The following C18orf32 variants were observed in gnomAD, a reference collection of about 807,000 sequenced individuals.
C18orf32 encodes the protein chromosome 18 open reading frame 32.
C18orf32 carries 5 observed loss-of-function variants against 7.4 expected under a neutral mutation model. The ratio of observed to expected loss-of-function variants is 0.68; its 90% CI spans 0.35 to 1.42. The LOEUF is 1.42. Ranked by LOEUF, C18orf32 falls within the 40% of genes most tolerant of loss-of-function variation. C18orf32 has a pLI of 0.04. For missense variants in C18orf32, 88 were observed against 92.4 expected (o/e 0.95, Z 0.19); for synonymous variants, 30 against 29.3 (o/e 1.02, Z -0.08).
intron 1 of C18orf32, among the ~76,000 whole-genome samples, chr18:49,485,691 A>G (rs556755681): frequency 1.5e-4 from 23 of 151,464 alleles, no homozygotes; most frequent in African/African-American, 5.3e-4. Context: ...CTGTGTTCAG[A>G]GTTCACTGCA....
chr18:49,482,880 C>T (rs1325722073), intron 2 of C18orf32, among the ~76,000 whole-genome samples: 1 of 146,530 alleles, frequency 6.8e-6, no homozygotes, highest in Non-Finnish European at 1.5e-5. Context: ...CTCACTGAAA[C>T]CTCTGCCACC....
chr18:49,484,717 A>G (rs2083715652), intron 1 of C18orf32: 1 of 152,226 alleles, frequency 6.6e-6, no homozygotes, highest in African/African-American at 2.4e-5. Flanking sequence ...GGTGCTAGAC[A>G]GTTTACATAT....
rs1164667045 is a variant in C18orf32, at chr18:49,479,365, A to G, written c.*2980T>C. 2 of 152,332 alleles carry G rather than the reference A, an allele frequency of 1.3e-5. No individual in the cohort carries two copies. Among genetic ancestry groups the G allele is most frequent in the Admixed American group, 6.5e-5 (1 of 15,280 alleles). The allele number at this position is 152,332 out of a possible 1,614,324, so 9.4% of individuals were successfully genotyped here. A position where few individuals can be genotyped will look rare whatever the true frequency, so the allele number is the denominator to read the frequency against. ...CAGTGTGCACCAGGTCTAGGCAACA[A>G]CTAGGCAGGAGAGGTGTATGGGGAG... On this transcript the variant is annotated 3_prime_UTR_variant, in exon 3 of 3. Transcript: ENST00000318240.
chr18:49,483,347 C>A lies in C18orf32; in HGVS notation c.165+237G>T, dbSNP rs373628368. ...TGAAACTGGTTTGTATCAGCATAAT[C>A]TCTCCTCATCCATTAGCTATTTACC... On this transcript the variant is annotated intron_variant, in intron 2 of 2. Transcript: ENST00000318240. Among the ~76,000 whole-genome samples, 4 of 152,254 alleles carry A rather than the reference C, an allele frequency of 2.6e-5. No homozygotes were observed. The East Asian group carries it at 7.7e-4, about 29-fold the overall frequency.
rs1203119643 is a variant in C18orf32, at chr18:49,481,653, T to C, written c.*692A>G. 1 of 152,164 alleles carries C rather than the reference T, an allele frequency of 6.6e-6. No homozygotes were observed. The highest frequency in any genetic ancestry group is 6.5e-5 in the Admixed American group (1 of 15,268). The allele number at this position is 152,164 out of a possible 1,614,324, so 9.4% of individuals were successfully genotyped here. A position where few individuals can be genotyped will look rare whatever the true frequency, so the allele number is the denominator to read the frequency against. ...TATTTCAATAGACTTTAAAAGAAAA[T>C]GAACTACCAGTTAAACTGAATGTTT... On this transcript the variant is annotated 3_prime_UTR_variant, in exon 3 of 3. Coordinates refer to ENST00000318240, the MANE Select transcript of C18orf32 (RefSeq NM_001035005.4).
At chr18:49,485,079 C>T (rs1193479321) in intron 1 of C18orf32, among the ~76,000 whole-genome samples, 1 of 150,796 alleles carries the variant, frequency 6.6e-6, no homozygotes, top group Non-Finnish European at 1.5e-5. Flanking sequence ...AAAACTCCGT[C>T]TCAAAAAAAA....
rs2083652104 is a variant in C18orf32, at chr18:49,480,556, G to A, written c.*1789C>T. 6.6e-6 allele frequency: 1 copy of A among 152,090 alleles called. No homozygotes were observed. The highest frequency in any genetic ancestry group is 2.4e-5 in the African/African-American group (1 of 41,418). 9.4% of individuals were successfully genotyped at this position (152,090 alleles called of 1,614,324 possible). A position where few individuals can be genotyped will look rare whatever the true frequency, so the allele number is the denominator to read the frequency against. ...CAAAGTGGAGGATCGCTTGAGCCCA[G>A]GAGATCGAGATCAGCCCAGGCAACA... On this transcript the variant is annotated 3_prime_UTR_variant, in exon 3 of 3. Coordinates refer to ENST00000318240, the MANE Select transcript of C18orf32 (RefSeq NM_001035005.4).
intron 1 of C18orf32, among the ~76,000 whole-genome samples, chr18:49,485,476 C>T (rs138952219): frequency 0.014 from 2,147 of 152,096 alleles, 47 homozygotes; most frequent in African/African-American, 0.048. Context: ...ATTGCTTGAA[C>T]CTGGGAGGCG....
At chr18:49,483,079 G>A (rs1316271818) in intron 2 of C18orf32, among the ~76,000 whole-genome samples, 2 of 152,086 alleles carry the variant, frequency 1.3e-5, no homozygotes, top group Non-Finnish European at 2.9e-5. Context: ...GATTACAGGC[G>A]TGAGCTACCG....
At chr18:49,483,404 C>G (rs555008646) in intron 2 of C18orf32, among the ~76,000 whole-genome samples, 180 bp downstream of exon 2, 1 of 152,252 alleles carries the variant, frequency 6.6e-6, no homozygotes, top group East Asian at 1.9e-4. Flanking sequence ...ATATGGTTAT[C>G]ATTTTGGCCA....
intron 2 of C18orf32, among the ~76,000 whole-genome samples, chr18:49,483,261 G>A (rs1256639482): frequency 1.3e-5 from 2 of 149,216 alleles, no homozygotes; most frequent in Non-Finnish European, 3.0e-5. Context: ...TAAAAAAATT[G>A]TTTTTTTTTT....
At chr18:49,485,041 C>T (rs1017389951) in intron 1 of C18orf32, among the ~76,000 whole-genome samples, 2 of 152,048 alleles carry the variant, frequency 1.3e-5, no homozygotes, top group South Asian at 4.1e-4. Context: ...AAGATCATGC[C>T]ACTGCATTCC....
At chr18:49,484,153 TATATATATATATATACACACAC>T (rs1265428104) in intron 1 of C18orf32, among the ~76,000 whole-genome samples, 18 of 50,994 alleles carry the variant, frequency 3.5e-4, no homozygotes, top group African/African-American at 2.1e-3. Context: ...AAAAAATATA[TATATATATATATATACACACAC>T]ACACACACAC....
At chr18:49,483,473 C>T in intron 2 of C18orf32, 111 bp downstream of exon 2, 1 of 1,338,162 alleles carries the variant, frequency 7.5e-7, no homozygotes, top group Non-Finnish European at 1.0e-6. Flanking sequence ...CCAAATGTTA[C>T]ACAAACTATT....
rs750257505 is a variant in C18orf32 at position 49,481,499 on chromosome 18, T to A, written c.*846A>T. 3 of 152,298 alleles carry A rather than the reference T, an allele frequency of 2.0e-5. No homozygotes were observed. The highest frequency in any genetic ancestry group is 2.9e-5 in the Non-Finnish European group (2 of 68,104). 9.4% of individuals were successfully genotyped at this position (152,298 alleles called of 1,614,324 possible). ...AAGAACTGCCCAGTCGAGTCACTGC[T>A]GCTGAAAACCACTAAATTTTGGAGT... On this transcript the variant is annotated 3_prime_UTR_variant, in exon 3 of 3. Coordinates refer to ENST00000318240, the MANE Select transcript of C18orf32 (RefSeq NM_001035005.4).
At position 49,478,716 on chromosome 18, in the gene C18orf32, A is replaced by G. The variant is rs2083637852; in HGVS notation, c.*3629T>C. 1 of 150,456 alleles carries G rather than the reference A, an allele frequency of 6.6e-6. No homozygotes were observed. The highest frequency in any genetic ancestry group is 6.6e-5 in the Admixed American group (1 of 15,220). 9.3% of individuals were successfully genotyped at this position (150,456 alleles called of 1,614,324 possible). ...GACCTTTACACAGACAGATGTTGATATTTTAGGGCAAAGAAACATTTGTGT... is the reference window on the plus strand; with the variant it reads ...GACCTTTACACAGACAGATGTTGATGTTTTAGGGCAAAGAAACATTTGTGT... On this transcript the variant is annotated 3_prime_UTR_variant, in exon 3 of 3. Coordinates refer to ENST00000318240, the MANE Select transcript of C18orf32 (RefSeq NM_001035005.4).
At chr18:49,482,792 G>GTC (rs201534462) in intron 2 of C18orf32, among the ~76,000 whole-genome samples, 2 of 134,468 alleles carry the variant, frequency 1.5e-5, no homozygotes, top group Admixed American at 8.2e-5. Context: ...GAGACATTCT[G>GTC]TCTCTCTCTT....
intron 1 of C18orf32, 92 bp from the exon 2 acceptor site, chr18:49,483,863 G>A: frequency 2.1e-6 from 3 of 1,452,780 alleles, no homozygotes; most frequent in Non-Finnish European, 9.2e-7. Flanking sequence ...GGGGATAGAT[G>A]TGGTGGCTCA....
chr18:49,483,820 T>C (rs959774832), intron 1 of C18orf32, 49 bp from the exon 2 acceptor site: 9 of 1,565,136 alleles, frequency 5.8e-6, no homozygotes, highest in African/African-American at 1.4e-5. Flanking sequence ...GATTAGTAAC[T>C]GAAAGAATTT....
Sources: allele counts gnomAD v4.1 joint callset (sites outside exome capture counted in the v4.1 genomes callset), GRCh38; gene constraint gnomAD v4.1.1; transcripts MANE v1.5; gene names NCBI Gene and HGNC (gene_info 2026-07-23, HGNC 2026-07-21).